GALNT13: variants seen among roughly 807,000 people sequenced by gnomAD.
The protein encoded by GALNT13 is UDP-GalNAc:polypeptide N-acetylgalactosaminyltransferase 13.
A neutral mutation model predicts 64.2 loss-of-function variants in GALNT13; 28 were observed. That is an observed-to-expected ratio of 0.44 (90% confidence interval 0.32 to 0.60). The LOEUF is 0.60. Ranked by LOEUF, GALNT13 falls within the 20% of genes least tolerant of loss-of-function variation. The pLI, the probability that GALNT13 is intolerant of heterozygous loss-of-function variation, is 0.05. For synonymous variants in GALNT13, 214 were observed against 224.6 expected (o/e 0.95, Z 0.42); for missense variants, 577 against 669.8 (o/e 0.86, Z 1.53).
At chr2:153,938,374 G>A (rs1405874758) in intron 2 of GALNT13, among the ~76,000 whole-genome samples, 2 of 152,170 alleles carry the variant, frequency 1.3e-5, no homozygotes. Context: ...ATGACAGTAT[G>A]AGGAAGTCAA....
intron 3 of GALNT13, among the ~76,000 whole-genome samples, chr2:153,996,816 G>A (rs1695553963): frequency 6.6e-6 from 1 of 152,102 alleles, no homozygotes; most frequent in African/African-American, 2.4e-5. Flanking sequence ...TTATATTTGA[G>A]TCTTTAATCC....
At chr2:153,440,189 G>A in the GALNT13 span, among the ~76,000 whole-genome samples, 1 of 151,838 alleles carries the variant, frequency 6.6e-6, no homozygotes, top group Non-Finnish European at 1.5e-5. Flanking sequence ...TTATGAGTGA[G>A]AACATGCATT....
chr2:153,306,908 T>C, the GALNT13 span, among the ~76,000 whole-genome samples: 2 of 152,152 alleles, frequency 1.3e-5, no homozygotes, highest in Non-Finnish European at 2.9e-5. Flanking sequence ...AGCTAATTTT[T>C]TCCTTTTGGT....
At chr2:153,533,918 C>G in the GALNT13 span, among the ~76,000 whole-genome samples, 2 of 150,312 alleles carry the variant, frequency 1.3e-5, no homozygotes, top group African/African-American at 4.9e-5. Flanking sequence ...ATTTCTTTTT[C>G]TGGAGAACGG....
the GALNT13 span, among the ~76,000 whole-genome samples, chr2:153,569,004 A>G: frequency 4.6e-5 from 7 of 152,268 alleles, no homozygotes; most frequent in South Asian, 1.2e-3. Flanking sequence ...TCCACAGTGC[A>G]TTTATGCTAA....
chr2:154,027,417 C>G (rs1291927695), intron 3 of GALNT13, among the ~76,000 whole-genome samples: 1 of 152,012 alleles, frequency 6.6e-6, no homozygotes, highest in African/African-American at 2.4e-5. Context: ...AAAAAATGAT[C>G]CCTGACTAGA....
rs1692934962 is a variant in GALNT13, at chr2:153,961,426, T to A, written c.142+16787T>A. 2.6e-5 allele frequency among the ~76,000 whole-genome samples: 4 copies of A among 152,186 alleles called. No individual in the cohort carries two copies. In the South Asian group the frequency reaches 8.3e-4, roughly 32 times the overall value. ...AATACTTAATAAGTTATTACAGCAATGTAAATATCAGGCAGATATTTTCAT... is the reference window on the plus strand; with the variant it reads ...AATACTTAATAAGTTATTACAGCAAAGTAAATATCAGGCAGATATTTTCAT... On this transcript the variant is annotated intron_variant, in intron 3 of 12. Coordinates refer to ENST00000392825, the MANE Select transcript of GALNT13 (RefSeq NM_052917.4).
At chr2:153,973,076 T>A (rs1355284712) in intron 3 of GALNT13, among the ~76,000 whole-genome samples, 1 of 152,034 alleles carries the variant, frequency 6.6e-6, no homozygotes, top group African/African-American at 2.4e-5. Flanking sequence ...AATATTTAAT[T>A]CTTCTATGTA....
At chr2:153,176,192 A>C in the GALNT13 span, among the ~76,000 whole-genome samples, 1 of 152,220 alleles carries the variant, frequency 6.6e-6, no homozygotes, top group Non-Finnish European at 1.5e-5. Flanking sequence ...GATAAATAAA[A>C]GATGGAGTGA....
intron 3 of GALNT13, among the ~76,000 whole-genome samples, chr2:154,120,342 T>G (rs552782178): frequency 6.6e-6 from 1 of 152,342 alleles, no homozygotes; most frequent in Non-Finnish European, 1.5e-5. Flanking sequence ...CTTTGCAATC[T>G]GCAGTTGGGC....
At chr2:153,444,716 C>T in the GALNT13 span, among the ~76,000 whole-genome samples, 1 of 152,104 alleles carries the variant, frequency 6.6e-6, no homozygotes, top group South Asian at 2.1e-4. Flanking sequence ...TTGTTTTCTG[C>T]CTCCTTTAAC....
chr2:154,223,128 A>G (rs747613945), intron 4 of GALNT13, among the ~76,000 whole-genome samples: 33 of 152,168 alleles, frequency 2.2e-4, no homozygotes, highest in African/African-American at 7.2e-4. Flanking sequence ...AAAAGGGTCC[A>G]CCTTTAGGTA....
At chr2:154,239,852 T>A (rs894974987) in intron 4 of GALNT13, among the ~76,000 whole-genome samples, 3 of 152,194 alleles carry the variant, frequency 2.0e-5, no homozygotes, top group Admixed American at 2.0e-4. Context: ...TAAAAAATAA[T>A]GAAGATCTTA....
In GALNT13 at chr2:154,302,755, T is replaced by C. The variant is rs988308215; in HGVS notation, c.1156+1166T>C. ...TTATTGTCTAAATACCTAGACTCAA[T>C]AGGAAAGAGTGACTGGGTTAAGATA... On this transcript the variant is annotated intron_variant, in intron 9 of 12. Coordinates refer to ENST00000392825, the MANE Select transcript of GALNT13 (RefSeq NM_052917.4). 2.6e-5 allele frequency among the ~76,000 whole-genome samples: 4 copies of C among 152,198 alleles called. No individual in the cohort carries two copies. The East Asian group carries it at 5.8e-4, about 22-fold the overall frequency.
chr2:153,111,344 T>C, the GALNT13 span, among the ~76,000 whole-genome samples: 3 of 152,124 alleles, frequency 2.0e-5, no homozygotes, highest in Non-Finnish European at 4.4e-5. Context: ...AAAAAACACC[T>C]GCCATAATGA....
chr2:153,467,223 G>T, the GALNT13 span, among the ~76,000 whole-genome samples: 5 of 151,880 alleles, frequency 3.3e-5, no homozygotes, highest in African/African-American at 1.2e-4. Context: ...TCCAAGTAAG[G>T]GGCTATATAA....
chr2:154,184,227 C>A (rs780169251), intron 4 of GALNT13, among the ~76,000 whole-genome samples: 3 of 151,916 alleles, frequency 2.0e-5, no homozygotes, highest in Non-Finnish European at 4.4e-5. Context: ...TATACATATA[C>A]CTGCCTCTTC....
At chr2:154,418,948 A>G (rs1700139619) in intron 11 of GALNT13, among the ~76,000 whole-genome samples, 1 of 152,146 alleles carries the variant, frequency 6.6e-6, no homozygotes, top group Non-Finnish European at 1.5e-5. Flanking sequence ...TTTTGTTTTT[A>G]GAGATTCTAT....
At chr2:153,696,873 A>C in the GALNT13 span, among the ~76,000 whole-genome samples, 1 of 150,964 alleles carries the variant, frequency 6.6e-6, no homozygotes, top group East Asian at 2.0e-4. Flanking sequence ...ATGGGTTGTA[A>C]ATGTGAGATC....
Sources: gnomAD v4.1 joint callset for allele counts (sites outside exome capture counted in the v4.1 genomes callset) on GRCh38, gnomAD v4.1.1 for gene constraint, MANE v1.5 for transcripts, NCBI Gene and HGNC (gene_info 2026-07-23, HGNC 2026-07-21) for gene names.